The following FANCM variants were observed in gnomAD, a reference collection of about 807,000 sequenced individuals.
FANCM encodes the protein Fanconi anemia group M protein.
A neutral mutation model predicts 199.5 loss-of-function variants in FANCM; 140 were observed. That is an observed-to-expected ratio of 0.70 (90% CI 0.61 to 0.81). The LOEUF (loss-of-function observed/expected upper bound fraction) is 0.81. Among genes scored for constraint, FANCM ranks in the 30% least tolerant of loss-of-function variants. FANCM has a pLI of 0.00. For missense variants in FANCM, 2,410 were observed against 2,421.4 expected (o/e 1.00, Z 0.10); for synonymous variants, 840 against 836.8 (o/e 1.00, Z -0.07).
At position 45,137,079 on chromosome 14, in the gene FANCM, A is replaced by G. The variant is rs1021627007; in HGVS notation, c.519A>G (p.Gln173=). Residue 173 remains glutamine (Q), a synonymous_variant, in exon 2 of 23, where the codon CAA becomes CAG. Coordinates refer to ENST00000267430, the MANE Select transcript of FANCM (RefSeq NM_020937.4). The stretch of plus-strand genomic sequence containing the variant: ...CACTTTTATTTTCAGGGTCTACACA[A>G]GCTTCCACCAGGAAGGAAATATGGT... ...SHMAEMTGST[Q]ASTRKEIWCS... is the part of the protein sequence containing the mutation. 6.2e-7 allele frequency: 1 copy of G among 1,612,216 alleles called. No homozygotes were observed. The highest frequency in any genetic ancestry group is 1.7e-4 in the Middle Eastern group (1 of 6,020).
At chr14:45,179,855 T>C (rs1888956893) in intron 14 of FANCM, among the ~76,000 whole-genome samples, 1 of 152,144 alleles carries the variant, frequency 6.6e-6, no homozygotes, top group Non-Finnish European at 1.5e-5. Flanking sequence ...CCACCATGCC[T>C]GGCCCATTTT....
At chr14:45,183,735 A>AT in intron 16 of FANCM, 39 bp from the exon 17 acceptor site, 1 of 1,506,374 alleles carries the variant, frequency 6.6e-7, no homozygotes, top group Non-Finnish European at 9.2e-7. Flanking sequence ...GGAAGAAAAT[A>AT]TTTTTTTCTT....
At chr14:45,193,311 C>T (rs4900664) in intron 20 of FANCM, among the ~76,000 whole-genome samples, 13,179 of 152,166 alleles carry the variant, frequency 0.087, 751 homozygotes, top group South Asian at 0.2. Flanking sequence ...CCTTCGAGAC[C>T]TGGGGACACA....
chr14:45,185,712 T>C (rs2139285409), intron 18 of FANCM, among the ~76,000 whole-genome samples: 1 of 152,294 alleles, frequency 6.6e-6, no homozygotes, highest in African/African-American at 2.4e-5. Context: ...GACAAAAAAT[T>C]TCTTCTTATG....
At chr14:45,186,749 A>G (rs965631205) in intron 18 of FANCM, among the ~76,000 whole-genome samples, 1 of 152,220 alleles carries the variant, frequency 6.6e-6, no homozygotes, top group Non-Finnish European at 1.5e-5. Flanking sequence ...GCCCCGAGTC[A>G]GTAGTGTGCC....
intron 3 of FANCM, among the ~76,000 whole-genome samples, chr14:45,141,868 C>A (rs756880740): frequency 2.6e-5 from 4 of 151,720 alleles, no homozygotes; most frequent in Non-Finnish European, 4.4e-5. Flanking sequence ...GGATTTCAGG[C>A]GTGAGCTACT....
At chr14:45,166,496 A>G (rs2139212246) in intron 10 of FANCM, among the ~76,000 whole-genome samples, 1 of 152,144 alleles carries the variant, frequency 6.6e-6, no homozygotes, top group Non-Finnish European at 1.5e-5. Flanking sequence ...AAAATTCAAG[A>G]CAGCTGGGCT....
At position 45,194,263 on chromosome 14, in the gene FANCM, T is replaced by C. The variant is rs61298873; in HGVS notation, c.5341-1909T>C. ...GTTGCAGTGAGCTGAGACTGCACCA[T>C]TGCACTCCAGCCTGGGTGACAAGAG... On this transcript the variant is annotated intron_variant, in intron 20 of 22. Coordinates refer to ENST00000267430, the MANE Select transcript of FANCM (RefSeq NM_020937.4). Among the ~76,000 whole-genome samples the C allele has an allele frequency of 8.7e-3, 1,320 of 151,220 alleles. 16 individuals carry two copies. Among genetic ancestry groups the C allele is most frequent in the African/African-American group, 0.028 (1,171 of 41,178 alleles).
chr14:45,160,010 T>TG (rs1192388733), intron 9 of FANCM, among the ~76,000 whole-genome samples: 1 of 150,422 alleles, frequency 6.6e-6, no homozygotes, highest in East Asian at 1.9e-4. Context: ...TTGTTTTTTT[T>TG]TTTTTTTTTA....
intron 20 of FANCM, among the ~76,000 whole-genome samples, chr14:45,191,113 C>G (rs539090978): frequency 2.7e-4 from 41 of 152,130 alleles, no homozygotes; most frequent in Non-Finnish European, 5.1e-4. Flanking sequence ...GTATGGTGTC[C>G]TTGCTTTTTC....
At position 45,189,304 on chromosome 14, in the gene FANCM, C is replaced by T. The variant is rs1395216158; in HGVS notation, c.5282C>T (p.Pro1761Leu). Residue 1761 changes from proline to leucine, a missense_variant, in exon 20 of 23, where the codon CCA becomes CTA. By Grantham distance (98) the Pro-to-Leu change is moderately conservative. Transcript: ENST00000267430. ...CATAATGAAGTCCAGTCTACCACACCACCCTTCACTACTGTTGATTCACAG... is the reference window on the plus strand; with the variant it reads ...CATAATGAAGTCCAGTCTACCACACTACCCTTCACTACTGTTGATTCACAG... ...QNHNEVQSTTPPFTTVDSQKD... is the reference protein window; with the variant it reads ...QNHNEVQSTTLPFTTVDSQKD... The T allele has an allele frequency of 3.1e-6, 5 of 1,613,842 alleles. 1 individual carries two copies. In the East Asian group the frequency reaches 8.9e-5, roughly 29 times the overall value.
chr14:45,141,287 CAAAAAAAAAA>C (rs534567010), intron 3 of FANCM, among the ~76,000 whole-genome samples: 2 of 45,058 alleles, frequency 4.4e-5, no homozygotes, highest in Non-Finnish European at 1.0e-4. Context: ...GGCTCCGTCT[CAAAAAAAAAA>C]AAAAAAAAAA....
chr14:45,157,622 A>G (rs1887290514), intron 8 of FANCM, among the ~76,000 whole-genome samples: 1 of 152,228 alleles, frequency 6.6e-6, no homozygotes. Context: ...GACAGATTGA[A>G]GGAGATACAG....
chr14:45,159,583 T>G (rs906063912), intron 9 of FANCM, among the ~76,000 whole-genome samples: 1 of 152,188 alleles, frequency 6.6e-6, no homozygotes, highest in African/African-American at 2.4e-5. Flanking sequence ...TCTTCCTCAG[T>G]TTTCCTTATC....
At chr14:45,184,757 C>A (rs1379327103) in intron 17 of FANCM, among the ~76,000 whole-genome samples, 1 of 147,776 alleles carries the variant, frequency 6.8e-6, no homozygotes, top group African/African-American at 2.5e-5. Context: ...GTAACTTTAT[C>A]ATTTCTTCTT....
chr14:45,191,460 C>T (rs912336924), intron 20 of FANCM, among the ~76,000 whole-genome samples: 1 of 152,168 alleles, frequency 6.6e-6, no homozygotes, highest in Non-Finnish European at 1.5e-5. Context: ...CTTCTAATCA[C>T]CATAGTTGCC....
At chr14:45,179,722 C>T (rs937523298) in intron 14 of FANCM, among the ~76,000 whole-genome samples, 4 of 151,744 alleles carry the variant, frequency 2.6e-5, no homozygotes, top group African/African-American at 9.7e-5. Context: ...CCACCACGCC[C>T]GACTAATTTT....
At chr14:45,153,873 T>C (rs1236616167) in intron 5 of FANCM, 47 bp from the exon 6 acceptor site, 1 of 1,519,708 alleles carries the variant, frequency 6.6e-7, no homozygotes, top group Non-Finnish European at 9.1e-7. Flanking sequence ...GGAGCATGTA[T>C]GTTCATTTAT....
At chr14:45,156,028 A>G (rs925223298) in intron 8 of FANCM, among the ~76,000 whole-genome samples, 1 of 152,176 alleles carries the variant, frequency 6.6e-6, no homozygotes, top group Non-Finnish European at 1.5e-5. Context: ...AAAACAATAT[A>G]TAGTACCAGT....
Sources: allele counts gnomAD v4.1 joint callset (sites outside exome capture counted in the v4.1 genomes callset), GRCh38; gene constraint gnomAD v4.1.1; transcripts MANE v1.5; gene names NCBI Gene and HGNC (gene_info 2026-07-23, HGNC 2026-07-21).